Variants in HIP1 observed in about 807,000 individuals in gnomAD.
The protein encoded by HIP1 is huntingtin-interacting protein 1.
In HIP1, 65 loss-of-function variants were observed where a neutral mutation model predicts 147.6. That is an observed-to-expected ratio of 0.44 (90% CI 0.36 to 0.54). The LOEUF (loss-of-function observed/expected upper bound fraction) is 0.54, where lower values mean the gene tolerates loss of function less well. Among genes scored for constraint, HIP1 ranks in the 20% least tolerant of loss-of-function variants. The pLI, the probability that HIP1 is intolerant of heterozygous loss-of-function variation, is 0.00. For missense variants in HIP1, 1,061 were observed against 1,299.6 expected, an observed-to-expected ratio of 0.82 and a Z score of 2.82; for synonymous variants, 479 against 504.0, an observed-to-expected ratio of 0.95 and a Z score of 0.67.
At chr7:75,685,155 G>A (rs1554517449) in intron 1 of HIP1, among the ~76,000 whole-genome samples, 2 of 152,076 alleles carry the variant, frequency 1.3e-5, no homozygotes, top group African/African-American at 4.8e-5. Flanking sequence ...TAGGCAGAGT[G>A]TAATCCTGGC....
chr7:75,595,283 C>CTTCTTTCTTTTTCTCT, intron 2 of HIP1, among the ~76,000 whole-genome samples: 1 of 83,432 alleles, frequency 1.2e-5, no homozygotes, highest in Admixed American at 1.3e-4. Flanking sequence ...TTCCTTCCTT[C>CTTCTTTCTTTTTCTCT]CTTTCTTTCT....
rs782107182 is a variant in HIP1 at position 75,664,122 on chromosome 7, GCA to G, written c.121-64877_121-64876del. 9.6e-4 allele frequency among the ~76,000 whole-genome samples: 55 copies of G among 57,464 alleles called. 15 individuals carry two copies. Among genetic ancestry groups the G allele is most frequent in the Admixed American group, 1.6e-3 (9 of 5,660 alleles). The allele number at this position is 57,464 out of a possible 152,430, so 37.7% of individuals were successfully genotyped here. A position where few individuals can be genotyped will look rare whatever the true frequency, so the allele number is the denominator to read the frequency against. ...TGCATACATACATGTATGCATATAT[GCA>G]CACACATGTGTGTACATACATACAT... On this transcript the variant is annotated intron_variant, in intron 1 of 30. Coordinates refer to ENST00000336926, the MANE Select transcript of HIP1 (RefSeq NM_005338.7).
chr7:75,537,061 G>C lies in HIP1; in HGVS notation c.*1111C>G. The C allele has an allele frequency of 4.3e-6, 1 of 232,478 alleles. No homozygotes were observed. 14.4% of individuals were successfully genotyped at this position (232,478 alleles called of 1,614,324 possible). ...GAGTTGGGAATCACTCCCACACTCC[G>C]TCTCTGGGCCAAGGGAGACGGCCCG... On this transcript the variant is annotated 3_prime_UTR_variant, in exon 31 of 31. Coordinates refer to ENST00000336926, the MANE Select transcript of HIP1 (RefSeq NM_005338.7).
intron 1 of HIP1, among the ~76,000 whole-genome samples, chr7:75,633,267 C>A (rs2117132500): frequency 6.6e-6 from 1 of 152,234 alleles, no homozygotes; most frequent in East Asian, 1.9e-4. Flanking sequence ...ATGGAATATA[C>A]CTGGATGTTT....
intron 16 of HIP1, 102 bp downstream of exon 16, chr7:75,557,552 A>T (rs1554493645): frequency 3.6e-6 from 3 of 835,432 alleles, no homozygotes. Flanking sequence ...TGTGATGCCA[A>T]CCGACCCACA....
chr7:75,676,433 C>T (rs183242133), intron 1 of HIP1, among the ~76,000 whole-genome samples: 12 of 152,278 alleles, frequency 7.9e-5, no homozygotes, highest in Admixed American at 1.3e-4. Context: ...CACACGCAGC[C>T]AACACACGCA....
At chr7:75,585,993 T>A (rs1361380806) in intron 5 of HIP1, among the ~76,000 whole-genome samples, 1 of 151,608 alleles carries the variant, frequency 6.6e-6, no homozygotes, top group Admixed American at 6.6e-5. Context: ...TTTTAAATTT[T>A]TTTGTAGAGA....
intron 25 of HIP1, 132 bp downstream of exon 25, chr7:75,546,807 A>G: frequency 1.5e-6 from 1 of 647,330 alleles, no homozygotes; most frequent in Non-Finnish European, 2.7e-6. Context: ...GCCTCTGCTG[A>G]TATCTACAGG....
At chr7:75,632,060 C>T (rs868915885) in intron 1 of HIP1, among the ~76,000 whole-genome samples, 2 of 152,100 alleles carry the variant, frequency 1.3e-5, no homozygotes, top group Non-Finnish European at 2.9e-5. Context: ...GACAGGTGCT[C>T]GTAGGACACT....
rs1039625555 is a variant in HIP1, at chr7:75,581,361, C to T, written c.543-63G>A. ...CTGAGGCCGGTCTGTTACCTGTCCC[C>T]TCCCCCACGCTCTACGCTACTCCAG... On this transcript the variant is annotated intron_variant, in intron 6 of 30. Transcript: ENST00000336926. The T allele has an allele frequency of 5.9e-6, 7 of 1,180,664 alleles. No homozygotes were observed. In the African/African-American group the frequency reaches 9.0e-5, roughly 15 times the overall value. The allele number at this position is 1,180,664 out of a possible 1,614,324, so 73.1% of individuals were successfully genotyped here.
chr7:75,612,536 C>G (rs947463962), intron 1 of HIP1, among the ~76,000 whole-genome samples: 1 of 150,296 alleles, frequency 6.7e-6, no homozygotes, highest in Non-Finnish European at 1.5e-5. Flanking sequence ...AGGCTGGGCG[C>G]GGTGGCTCAT....
intron 9 of HIP1, 196 bp from the exon 10 acceptor site, chr7:75,563,459 G>T (rs1795300472): frequency 1.7e-6 from 1 of 585,938 alleles, no homozygotes; most frequent in African/African-American, 1.9e-5. Flanking sequence ...TGACCTGCTG[G>T]TGAGGAAAGA....
chr7:75,671,181 C>T (rs1297662121), intron 1 of HIP1, among the ~76,000 whole-genome samples: 5 of 152,120 alleles, frequency 3.3e-5, no homozygotes, highest in African/African-American at 1.2e-4. Flanking sequence ...GCAACCTCCC[C>T]CTCCCGGGTT....
intron 2 of HIP1, among the ~76,000 whole-genome samples, chr7:75,594,508 G>C (rs2116981045): frequency 6.6e-6 from 1 of 152,248 alleles, no homozygotes; most frequent in African/African-American, 2.4e-5. Flanking sequence ...GGGCGTGGTG[G>C]CTCACGGCTG....
intron 1 of HIP1, among the ~76,000 whole-genome samples, chr7:75,599,591 C>A (rs906867485): frequency 6.6e-6 from 1 of 152,148 alleles, no homozygotes; most frequent in South Asian, 2.1e-4. Context: ...TTATTTCTCC[C>A]GGAGCAGGAG....
chr7:75,596,830 G>C (rs1268106332), intron 2 of HIP1, among the ~76,000 whole-genome samples: 2 of 152,136 alleles, frequency 1.3e-5, no homozygotes, highest in African/African-American at 4.8e-5. Flanking sequence ...TCCTCCCAGG[G>C]AGCCTCCCGG....
intron 25 of HIP1, among the ~76,000 whole-genome samples, chr7:75,546,002 T>C (rs955526448): frequency 1.9e-4 from 29 of 152,152 alleles, no homozygotes; most frequent in Admixed American, 1.2e-3. Context: ...AAAAGACTTT[T>C]CCCAAGGTCA....
At chr7:75,693,403 G>A (rs1011785006) in intron 1 of HIP1, among the ~76,000 whole-genome samples, 2 of 152,066 alleles carry the variant, frequency 1.3e-5, no homozygotes, top group African/African-American at 4.8e-5. Flanking sequence ...CAGTGCCCTT[G>A]GTACCGCACT....
intron 1 of HIP1, among the ~76,000 whole-genome samples, chr7:75,670,701 C>A (rs1301535039): frequency 6.6e-6 from 1 of 150,622 alleles, no homozygotes; most frequent in Non-Finnish European, 1.5e-5. Context: ...GCGGCTTTGA[C>A]CTCCTGGGCT....
Sources: gnomAD v4.1 joint callset for allele counts (sites outside exome capture counted in the v4.1 genomes callset) on GRCh38, gnomAD v4.1.1 for gene constraint, MANE v1.5 for transcripts, NCBI Gene and HGNC (gene_info 2026-07-23, HGNC 2026-07-21) for gene names.